PUDP: variants seen among roughly 807,000 people sequenced by gnomAD.
PUDP encodes pseudouridine 5'-phosphatase.
In PUDP, 8 loss-of-function variants were observed where a neutral mutation model predicts 9.4. The observed-to-expected ratio is 0.85, with a 90% CI of 0.50 to 1.53. PUDP has a LOEUF of 1.53. Ranked by LOEUF, PUDP falls within the 40% of genes most tolerant of loss-of-function variation. PUDP has a pLI of 0.00. For missense variants in PUDP, 188 were observed against 189.7 expected (o/e 0.99, Z 0.05); for synonymous variants, 99 against 80.7 (o/e 1.23, Z -1.22).
At chrX:7,084,954 G>C (rs1569155850) in intron 2 of PUDP, 1 of 112,092 alleles carries the variant, frequency 8.9e-6, no homozygotes, top group Non-Finnish European at 1.9e-5. Context: ...GAAGCGGTTA[G>C]CATTCTCCTT....
intron 3 of PUDP, among the ~76,000 whole-genome samples, chrX:6,942,992 G>A (rs1023147464): frequency 4.5e-5 from 5 of 112,233 alleles, no homozygotes; most frequent in Admixed American, 3.8e-4. Context: ...ATTGTTGTAA[G>A]CCACCTAGTT....
upstream of PUDP, among the ~76,000 whole-genome samples, chrX:6,721,719 G>A (rs5948739): frequency 0.19 from 21,477 of 111,421 alleles, 3,205 homozygotes; most frequent in African/African-American, 0.51. Context: ...TAAAGGGAAG[G>A]TTCAATATCT....
intron 3 of PUDP, among the ~76,000 whole-genome samples, chrX:6,810,896 G>T (rs1926133016): frequency 8.9e-6 from 1 of 111,740 alleles, no homozygotes; most frequent in Non-Finnish European, 1.9e-5. Context: ...CCCACATGGA[G>T]AGTGGGTTTT....
At chrX:6,974,421 C>T (rs755572827) in intron 3 of PUDP, among the ~76,000 whole-genome samples, 21 of 112,065 alleles carry the variant, frequency 1.9e-4, no homozygotes, top group Non-Finnish European at 3.6e-4. Flanking sequence ...GACAAAATCT[C>T]TCAGCAATTG....
chrX:6,951,843 T>C (rs1428727480), intron 3 of PUDP, among the ~76,000 whole-genome samples: 1 of 112,370 alleles, frequency 8.9e-6, no homozygotes, highest in Non-Finnish European at 1.9e-5. Flanking sequence ...TAAATGTTTA[T>C]AATAAAATGT....
intron 3 of PUDP, among the ~76,000 whole-genome samples, chrX:7,072,613 A>G (rs1243583842): frequency 9.1e-6 from 1 of 110,243 alleles, no homozygotes; most frequent in Non-Finnish European, 1.9e-5. Context: ...CAGGAATTCA[A>G]GACCAGCCTG....
chrX:6,883,850 GT>G (rs1198604670), intron 3 of PUDP, among the ~76,000 whole-genome samples: 1 of 110,153 alleles, frequency 9.1e-6, no homozygotes, highest in Non-Finnish European at 1.9e-5. Flanking sequence ...TTTTTTGTTT[GT>G]TTTTTTTGAG....
intron 3 of PUDP, among the ~76,000 whole-genome samples, chrX:6,780,543 G>A (rs1163062811): frequency 1.8e-5 from 2 of 111,534 alleles, no homozygotes; most frequent in Non-Finnish European, 3.8e-5. Context: ...TGGTTTGCAT[G>A]GAAAAGACAA....
intron 3 of PUDP, among the ~76,000 whole-genome samples, chrX:6,939,988 T>C (rs1483505401): frequency 8.8e-6 from 1 of 113,125 alleles, no homozygotes; most frequent in African/African-American, 3.2e-5. Context: ...TTTGGTATCA[T>C]TATTTCTGTT....
At chrX:6,846,365 G>A (rs1165427126) in intron 3 of PUDP, among the ~76,000 whole-genome samples, 1 of 103,948 alleles carries the variant, frequency 9.6e-6, no homozygotes, top group Non-Finnish European at 2.0e-5. Flanking sequence ...AGCGGAGATC[G>A]TGCCACGGCA....
chrX:6,995,792 T>C (rs1309389809), intron 1 of PUDP, among the ~76,000 whole-genome samples: 1 of 107,761 alleles, frequency 9.3e-6, no homozygotes, highest in Non-Finnish European at 1.9e-5. Context: ...ATATTATAGC[T>C]AGAAGAACAA....
At chrX:6,863,087 C>T (rs922418704) in intron 3 of PUDP, among the ~76,000 whole-genome samples, 1 of 111,524 alleles carries the variant, frequency 9.0e-6, no homozygotes, top group African/African-American at 3.3e-5. Context: ...TTGCCCTGGC[C>T]AGAGTGCAGT....
intron 1 of PUDP, among the ~76,000 whole-genome samples, chrX:7,015,892 T>G (rs767202025): frequency 2.7e-5 from 3 of 110,876 alleles, no homozygotes; most frequent in African/African-American, 9.9e-5. Context: ...AATTTCTGTA[T>G]GGCCAGTTTT....
chrX:6,967,382 G>A (rs999652565), intron 3 of PUDP, among the ~76,000 whole-genome samples: 1 of 111,469 alleles, frequency 9.0e-6, no homozygotes, highest in African/African-American at 3.3e-5. Flanking sequence ...CTTCCTCTTA[G>A]GCAGGCTGCA....
chrX:7,077,520 T>G, intron 2 of PUDP, 71 bp from the exon 3 acceptor site: 1 of 804,272 alleles, frequency 1.2e-6, no homozygotes, highest in Non-Finnish European at 1.8e-6. Context: ...GCAGGGACAG[T>G]CCCTCCAGCT....
chrX:7,019,790 G>A (rs1929604377), intron 1 of PUDP, among the ~76,000 whole-genome samples: 3 of 111,433 alleles, frequency 2.7e-5, no homozygotes, highest in Middle Eastern at 4.6e-3. Context: ...CTGTGTGCAG[G>A]ATAGTATATT....
chrX:6,794,352 A>C (rs919604842), intron 3 of PUDP, among the ~76,000 whole-genome samples: 1 of 111,762 alleles, frequency 8.9e-6, no homozygotes, highest in Non-Finnish European at 1.9e-5. Flanking sequence ...AACATAGAAA[A>C]GGTACAGTAA....
At chrX:6,925,461 A>G (rs1411383012) in intron 3 of PUDP, among the ~76,000 whole-genome samples, 1 of 111,805 alleles carries the variant, frequency 8.9e-6, no homozygotes, top group Non-Finnish European at 1.9e-5. Context: ...AGGAATGGGC[A>G]GCAGGAACAT....
intron 1 of PUDP, among the ~76,000 whole-genome samples, chrX:7,128,820 T>C (rs1381015955): frequency 8.9e-6 from 1 of 112,143 alleles, no homozygotes; most frequent in Non-Finnish European, 1.9e-5. Context: ...TAGATACTAA[T>C]GAATGATTTT....
Sources: gnomAD v4.1 joint callset for allele counts (sites outside exome capture counted in the v4.1 genomes callset) on GRCh38, gnomAD v4.1.1 for gene constraint, MANE v1.5 for transcripts, NCBI Gene and HGNC (gene_info 2026-07-23, HGNC 2026-07-21) for gene names.